TTC23L: variants seen among roughly 807,000 people sequenced by gnomAD.
The protein encoded by TTC23L is tetratricopeptide repeat protein 23-like.
TTC23L carries 42 observed loss-of-function variants against 48.1 expected under a neutral mutation model. The ratio of observed to expected loss-of-function variants is 0.87; its 90% CI spans 0.68 to 1.13. The LOEUF is 1.13. Ranked by LOEUF, TTC23L falls within the 50% of genes most tolerant of loss-of-function variation. The pLI is 0.00. For synonymous variants in TTC23L, 159 were observed against 157.2 expected, an observed-to-expected ratio of 1.01 and a Z score of -0.09; for missense variants, 391 against 421.0, an observed-to-expected ratio of 0.93 and a Z score of 0.62.
At chr5:34,914,023 GCCC>G in the TTC23L span, 14 of 456,376 alleles carry the variant, frequency 3.1e-5, no homozygotes, top group African/African-American at 2.2e-4. Context: ...ACCATACCAT[GCCC>G]CTGCATGAGG....
At chr5:34,875,302 A>G (rs1355938759) in intron 8 of TTC23L, among the ~76,000 whole-genome samples, 1 of 152,212 alleles carries the variant, frequency 6.6e-6, no homozygotes, top group Non-Finnish European at 1.5e-5. Context: ...CTAGAGGGAC[A>G]TAACTAATAG....
chr5:34,925,207 C>CT, the TTC23L span: 158,887 of 1,333,674 alleles, frequency 0.12, 3,352 homozygotes, highest in African/African-American at 0.32. Flanking sequence ...AGCATCTAAT[C>CT]TTTTTTTTTT....
chr5:34,866,780 AGAT>A, intron 6 of TTC23L, 109 bp from the exon 7 acceptor site: 1 of 967,036 alleles, frequency 1.0e-6, no homozygotes, highest in East Asian at 2.7e-5. Context: ...CCAGCTACCA[AGAT>A]GATGGGCCTG....
chr5:34,918,160 AC>A, the TTC23L span: 60 of 351,426 alleles, frequency 1.7e-4, no homozygotes, highest in Middle Eastern at 7.9e-4. Flanking sequence ...AAAAAAAAAA[AC>A]TAGCTGGACA....
chr5:34,864,497 A>T, exon 6 of TTC23L: 1 of 1,613,892 alleles, frequency 6.2e-7, no homozygotes, highest in African/African-American at 1.3e-5. Flanking sequence ...AGCTGAAAGA[A>T]TTATATAAAG....
At chr5:34,839,309 G>T (rs1237429750) in intron 1 of TTC23L, 50 bp downstream of exon 1, 1 of 152,738 alleles carries the variant, frequency 6.5e-6, no homozygotes, top group Non-Finnish European at 1.5e-5. Flanking sequence ...CGCGCCGTCG[G>T]GCTCAGGGAG....
chr5:34,862,867 C>T, intron 4 of TTC23L, 31 bp from the exon 5 acceptor site: 1 of 1,611,528 alleles, frequency 6.2e-7, no homozygotes. Context: ...TAATGTCTGT[C>T]TTCTTGCTCC....
intron 1 of TTC23L, 60 bp from the exon 2 acceptor site, chr5:34,840,605 G>C: frequency 6.9e-7 from 1 of 1,452,382 alleles, no homozygotes; most frequent in Non-Finnish European, 9.7e-7. Context: ...ACCAGAGGGG[G>C]AAAATAGAAC....
At chr5:34,898,750 G>C (rs1179203774) in intron 10 of TTC23L, among the ~76,000 whole-genome samples, 1 of 152,082 alleles carries the variant, frequency 6.6e-6, no homozygotes, top group Non-Finnish European at 1.5e-5. Context: ...ATAAAATTTT[G>C]TATTTCATAT....
At chr5:34,841,558 C>T (rs1203940337) in intron 2 of TTC23L, among the ~76,000 whole-genome samples, 2 of 152,208 alleles carry the variant, frequency 1.3e-5, no homozygotes, top group Non-Finnish European at 2.9e-5. Context: ...TGCTCTGTCA[C>T]CCAGGCTGGA....
At chr5:34,888,595 G>T (rs903138363) in intron 9 of TTC23L, 1 of 867,860 alleles carries the variant, frequency 1.2e-6, no homozygotes, top group Non-Finnish European at 1.4e-6. Flanking sequence ...GCATGGCATG[G>T]CCTCTCCCAG....
At chr5:34,852,098 C>T (rs748302520) in intron 4 of TTC23L, among the ~76,000 whole-genome samples, 22 of 152,170 alleles carry the variant, frequency 1.4e-4, no homozygotes, top group Admixed American at 5.2e-4. Flanking sequence ...TTGCCCAGGC[C>T]GATCTCAAAT....
intron 9 of TTC23L, chr5:34,883,291 G>T (rs1298312366): frequency 2.6e-5 from 4 of 154,324 alleles, no homozygotes; most frequent in African/African-American, 9.6e-5. Context: ...GTCAACCCAA[G>T]ATTTTTGACA....
rs1760833487 is a variant in TTC23L at position 34,863,565 on chromosome 5, G to T, written c.536+511G>T. Reference sequence around the variant, plus strand: ...TTGAAATTTTTAAAAGCCCTCCAGAGATTGTAATTTGCAGCCCAAAACCAC... The same window carrying T: ...TTGAAATTTTTAAAAGCCCTCCAGATATTGTAATTTGCAGCCCAAAACCAC... On this transcript the variant is annotated intron_variant, in intron 5 of 10. Transcript: ENST00000505624. The surrounding 1 kb of genome is among the most constrained non-coding windows in gnomAD (Gnocchi z 4.1). Among the ~76,000 whole-genome samples, 2 of 152,230 alleles carry T rather than the reference G, an allele frequency of 1.3e-5. No individual in the cohort carries two copies. The highest frequency in any genetic ancestry group is 2.9e-5 in the Non-Finnish European group (2 of 68,044).
chr5:34,876,692 T>C (rs976147564), intron 8 of TTC23L, among the ~76,000 whole-genome samples: 3 of 152,160 alleles, frequency 2.0e-5, no homozygotes, highest in African/African-American at 4.8e-5. Flanking sequence ...TTCCAAAAGA[T>C]AGAAGCAGAG....
chr5:34,894,896 ATGATGATGATGATGATGATGTTAATGG>A (rs1763106730), intron 9 of TTC23L, among the ~76,000 whole-genome samples: 1 of 151,620 alleles, frequency 6.6e-6, no homozygotes, highest in Admixed American at 6.6e-5. Context: ...GATGATGATG[ATGATGATGATGATGATGATGTTAATGG>A]TGATGATGAA....
the TTC23L span, chr5:34,921,098 C>A: frequency 2.0e-5 from 3 of 152,186 alleles, no homozygotes; most frequent in Non-Finnish European, 4.4e-5. Context: ...ACCTCGGCCT[C>A]CCAAAGTGCT....
intron 9 of TTC23L, among the ~76,000 whole-genome samples, chr5:34,886,954 G>C (rs1019878077): frequency 2.0e-5 from 3 of 152,168 alleles, no homozygotes; most frequent in Admixed American, 2.0e-4. Flanking sequence ...GGTGTGGCAA[G>C]AGGTGTTCAA....
chr5:34,864,323 C>A, intron 5 of TTC23L, 114 bp from the exon 6 acceptor site: 1 of 1,263,732 alleles, frequency 7.9e-7, no homozygotes, highest in Non-Finnish European at 1.1e-6. Context: ...AGTTAAGTAC[C>A]CATTTTTAAT....
Sources: gnomAD v4.1 joint callset for allele counts (sites outside exome capture counted in the v4.1 genomes callset) on GRCh38, gnomAD v4.1.1 for gene constraint, Gnocchi (gnomAD v3.1) non-coding constraint, MANE v1.5 for transcripts, NCBI Gene and HGNC (gene_info 2026-07-23, HGNC 2026-07-21) for gene names.